The following KIAA0586 variants were observed in gnomAD, a reference collection of about 807,000 sequenced individuals.
KIAA0586 encodes KIAA0586, also known as protein TALPID3.
A neutral mutation model predicts 169.8 loss-of-function variants in KIAA0586; 144 were observed. That is an observed-to-expected ratio of 0.85 (90% CI 0.74 to 0.97). The LOEUF is 0.97. KIAA0586 is among the 50% of genes least tolerant of loss of function. The probability of loss-of-function intolerance (pLI) is 0.00; values close to 1 mark genes in which losing one functional copy is unlikely to be tolerated. For synonymous variants in KIAA0586, 625 were observed against 612.4 expected, an observed-to-expected ratio of 1.02 and a Z score of -0.30; for missense variants, 1,854 against 1,823.0, an observed-to-expected ratio of 1.02 and a Z score of -0.31.
intron 27 of KIAA0586, among the ~76,000 whole-genome samples, chr14:58,503,347 A>C (rs1248064062): frequency 6.6e-6 from 1 of 152,188 alleles, no homozygotes; most frequent in African/African-American, 2.4e-5. Context: ...AGTGCAGAGG[A>C]GGAACTTAAC....
At chr14:58,452,818 A>G (rs2039504214) in intron 8 of KIAA0586, among the ~76,000 whole-genome samples, 1 of 151,840 alleles carries the variant, frequency 6.6e-6, no homozygotes, top group Non-Finnish European at 1.5e-5. Context: ...GGCATGAGCC[A>G]TTGCGCCTGG....
At position 58,456,750 on chromosome 14, in the gene KIAA0586, G is replaced by A. The variant is rs1300209106; in HGVS notation, c.1302G>A (p.Lys434=). 6.2e-7 allele frequency: 1 copy of A among 1,606,178 alleles called. No homozygotes were observed. Among genetic ancestry groups the A allele is most frequent in the Non-Finnish European group, 8.5e-7 (1 of 1,176,038 alleles). ...ELETTKVTMQ[K]SDDVLHDLGQ... ...AAACAACTAAAGTGACTATGCAGAAGTCTGATGATGTTCTTCATGACCTTG... is the reference window on the plus strand; with the variant it reads ...AAACAACTAAAGTGACTATGCAGAAATCTGATGATGTTCTTCATGACCTTG... The change falls in exon 10 of 31, where the codon AAG becomes AAA. Residue 434 remains lysine (K), a synonymous_variant. Coordinates refer to ENST00000652326, the MANE Select transcript of KIAA0586 (RefSeq NM_001329943.3).
intron 29 of KIAA0586, among the ~76,000 whole-genome samples, chr14:58,524,358 G>A (rs901102260): frequency 6.6e-6 from 1 of 152,166 alleles, no homozygotes; most frequent in African/African-American, 2.4e-5. Flanking sequence ...TAGATTGTTA[G>A]TCTCTAATAC....
At chr14:58,450,983 C>CTTTTT (rs10712126) in intron 8 of KIAA0586, among the ~76,000 whole-genome samples, 7 of 85,388 alleles carry the variant, frequency 8.2e-5, no homozygotes, top group South Asian at 3.7e-4. Flanking sequence ...GTTTTGTTAA[C>CTTTTT]TTTTTTTTTT....
intron 4 of KIAA0586, among the ~76,000 whole-genome samples, chr14:58,441,659 A>G (rs1459211012): frequency 6.6e-6 from 1 of 152,192 alleles, no homozygotes; most frequent in Non-Finnish European, 1.5e-5. Context: ...CTGGAGACAG[A>G]GTCTCGCTGT....
chr14:58,501,525 C>G (rs147616708), intron 27 of KIAA0586, among the ~76,000 whole-genome samples: 1 of 152,230 alleles, frequency 6.6e-6, no homozygotes, highest in African/African-American at 2.4e-5. Context: ...GAGGAGATAG[C>G]CTCTTCAGTC....
At chr14:58,487,779 T>A (rs1372798089) in intron 22 of KIAA0586, 108 bp from the exon 23 acceptor site, 1 of 648,932 alleles carries the variant, frequency 1.5e-6, no homozygotes, top group Non-Finnish European at 2.7e-6. Context: ...ATTGCCATTA[T>A]TTGTGTGCTA....
chr14:58,517,817 C>T (rs1240337156), intron 29 of KIAA0586, among the ~76,000 whole-genome samples: 1 of 152,150 alleles, frequency 6.6e-6, no homozygotes, highest in Admixed American at 6.5e-5. Context: ...ACTACTGATA[C>T]ACACACAACA....
At chr14:58,522,954 C>T (rs1378862695) in intron 29 of KIAA0586, among the ~76,000 whole-genome samples, 1 of 152,002 alleles carries the variant, frequency 6.6e-6, no homozygotes, top group African/African-American at 2.4e-5. Flanking sequence ...GATTTTTAAA[C>T]ATAGGTGATT....
rs1211671077 is a variant in KIAA0586, at chr14:58,448,504, G to A, written c.961+11G>A. 6.3e-7 allele frequency: 1 copy of A among 1,576,488 alleles called. No individual in the cohort carries two copies. Among genetic ancestry groups the A allele is most frequent in the Non-Finnish European group, 8.7e-7 (1 of 1,154,414 alleles). ...TTGCTTCCAAACAAGGTAAAAATAT[G>A]TAGTTCTCTATGAATAAAAAATGTC... On this transcript the variant is annotated intron_variant, in intron 7 of 30. Coordinates refer to ENST00000652326, the MANE Select transcript of KIAA0586 (RefSeq NM_001329943.3).
chr14:58,462,105 T>C (rs1029004674), intron 14 of KIAA0586, among the ~76,000 whole-genome samples: 1 of 152,252 alleles, frequency 6.6e-6, no homozygotes, highest in Non-Finnish European at 1.5e-5. Flanking sequence ...CTTTGCTTTC[T>C]AAAGGTTATG....
chr14:58,473,547 G>A (rs1351306669), intron 18 of KIAA0586, among the ~76,000 whole-genome samples: 2 of 152,198 alleles, frequency 1.3e-5, no homozygotes, highest in African/African-American at 4.8e-5. Flanking sequence ...AGCAAAAAGT[G>A]ATTTTGGAAG....
At chr14:58,537,530 T>C (rs1044128166) in intron 29 of KIAA0586, among the ~76,000 whole-genome samples, 4 of 152,184 alleles carry the variant, frequency 2.6e-5, no homozygotes, top group Admixed American at 2.6e-4. Context: ...GAAAGGGAGC[T>C]CTATTAAACT....
intron 17 of KIAA0586, 128 bp from the exon 18 acceptor site, chr14:58,472,071 A>C (rs1364317757): frequency 7.0e-6 from 3 of 429,762 alleles, no homozygotes; most frequent in Non-Finnish European, 1.3e-5. Context: ...AATTCTGAAT[A>C]GGGTATTAAA....
chr14:58,510,346 T>G (rs1467555110), intron 28 of KIAA0586, among the ~76,000 whole-genome samples: 2 of 152,086 alleles, frequency 1.3e-5, no homozygotes, highest in African/African-American at 4.8e-5. Flanking sequence ...TCCACCCTGG[T>G]GACAGAGCAA....
intron 4 of KIAA0586, 24 bp downstream of exon 4, chr14:58,432,481 AT>A (rs2037459672): frequency 7.8e-7 from 1 of 1,283,856 alleles, no homozygotes. Flanking sequence ...ACAGAAAATA[AT>A]TGGACCATTT....
chr14:58,445,820 T>C (rs2140612014), intron 6 of KIAA0586, among the ~76,000 whole-genome samples: 2 of 141,914 alleles, frequency 1.4e-5, no homozygotes, highest in South Asian at 4.4e-4. Context: ...GAGGGAATGA[T>C]CAGCATTGTA....
At chr14:58,511,285 T>G (rs921024622) in intron 28 of KIAA0586, among the ~76,000 whole-genome samples, 6 of 152,184 alleles carry the variant, frequency 3.9e-5, no homozygotes, top group Non-Finnish European at 7.4e-5. Context: ...GACTTATGGT[T>G]AGTAATAATA....
rs746312329 is a variant in KIAA0586 at position 58,540,092 on chromosome 14, G to A, written c.4451G>A (p.Arg1484Gln). 1.2e-5 allele frequency: 19 copies of A among 1,560,222 alleles called. No homozygotes were observed. Among genetic ancestry groups the A allele is most frequent in the African/African-American group, 6.8e-5 (5 of 73,582 alleles). ...GTAGTTTCACCAGGTGATATGGATC[G>A]GACACAAATTGAGCTTAATCCGTAC... is the stretch of plus-strand genomic sequence containing the variant. ...QQQVSPGDMD[R>Q]TQIELNPYLT... Residue 1484 changes from arginine (R) to glutamine (Q), a missense_variant, in exon 30 of 31, where the codon CGG becomes CAG. Physicochemically the swap from Arg to Gln is conservative, Grantham distance 43. Coordinates refer to ENST00000652326, the MANE Select transcript of KIAA0586 (RefSeq NM_001329943.3).
Sources: gnomAD v4.1 joint callset for allele counts (sites outside exome capture counted in the v4.1 genomes callset) on GRCh38, gnomAD v4.1.1 for gene constraint, MANE v1.5 for transcripts, NCBI Gene and HGNC (gene_info 2026-07-23, HGNC 2026-07-21) for gene names.